TPMT: variants seen among roughly 807,000 people sequenced by gnomAD.
TPMT encodes thiopurine S-methyltransferase.
TPMT carries 18 observed loss-of-function variants against 34.2 expected under a neutral mutation model. The ratio of observed to expected loss-of-function variants is 0.53; its 90% CI spans 0.36 to 0.78. TPMT has a LOEUF of 0.78. TPMT is among the 30% of genes least tolerant of loss of function. The pLI is 0.00. For missense variants in TPMT, 265 were observed against 288.1 expected (o/e 0.92, Z 0.58); for synonymous variants, 69 against 92.4 (o/e 0.75, Z 1.45).
chr6:18,148,073 G>C lies in TPMT; in HGVS notation c.141-158C>G, dbSNP rs1004719347. 3.3e-5 allele frequency among the ~76,000 whole-genome samples: 5 copies of C among 152,142 alleles called. No individual in the cohort carries two copies. Among genetic ancestry groups the C allele is most frequent in the African/African-American group, 9.7e-5 (4 of 41,428 alleles). ...TATGAAGAAACAGGTAACTTGCTCA[G>C]ACACACACCCAGTCAGTGGTAAATC... is the stretch of plus-strand genomic sequence containing the variant. On this transcript the variant is annotated intron_variant, in intron 2 of 8. Transcript: ENST00000309983. The surrounding 1 kb of genome is among the most constrained non-coding windows in gnomAD (Gnocchi z 4.1).
chr6:18,139,181 G>T lies in TPMT; in HGVS notation c.420-144C>A. 1.0e-5 allele frequency: 8 copies of T among 774,810 alleles called. No individual in the cohort carries two copies. The highest frequency in any genetic ancestry group is 2.2e-6 in the Non-Finnish European group (1 of 446,332). The allele number at this position is 774,810 out of a possible 1,614,324, so 48.0% of individuals were successfully genotyped here. A position where few individuals can be genotyped will look rare whatever the true frequency, so the allele number is the denominator to read the frequency against. On this transcript the variant is annotated intron_variant, in intron 5 of 8. Coordinates refer to ENST00000309983, the MANE Select transcript of TPMT (RefSeq NM_000367.5). The surrounding 1 kb of genome is among the most constrained non-coding windows in gnomAD (Gnocchi z 4.2). ...TCTGCGTTTCCTCCTAGAGGAATGT[G>T]TGGACCTGGGTGTGGAGAGCTGTCC...
At chr6:18,133,337 T>C (rs987871797) in intron 7 of TPMT, among the ~76,000 whole-genome samples, 2 of 152,144 alleles carry the variant, frequency 1.3e-5, no homozygotes, top group African/African-American at 4.8e-5. Context: ...TTATAAAACT[T>C]CAGAAATTAA....
In TPMT at chr6:18,139,057, C is replaced by G; in HGVS notation, c.420-20G>C. ...TTTGTCCTACCAGAAAGAGAAAAAA[C>G]ATTTTATGGGAGAAAAATCAAATCT... On this transcript the variant is annotated intron_variant, in intron 5 of 8. Coordinates refer to ENST00000309983, the MANE Select transcript of TPMT (RefSeq NM_000367.5). This position sits in a 1 kb window ranked among gnomAD's most constrained non-coding sequence, Gnocchi z 4.2. 1 of 1,604,994 alleles carries G rather than the reference C, an allele frequency of 6.2e-7. No individual in the cohort carries two copies. The highest frequency in any genetic ancestry group is 1.1e-5 in the South Asian group (1 of 90,914).
In TPMT at chr6:18,154,633, C is replaced by A. The variant is rs188821703; in HGVS notation, c.-45+400G>T. Among the ~76,000 whole-genome samples the A allele has an allele frequency of 5.3e-5, 8 of 152,100 alleles. No individual in the cohort carries two copies. The highest frequency in any genetic ancestry group is 1.9e-4 in the African/African-American group (8 of 41,486). ...AAAAAAATTTGAAAAATTAGCCAAG[C>A]GTGGTGCAGCGAGCCTGTAGTCCCA... On this transcript the variant is annotated intron_variant, in intron 1 of 8. Transcript: ENST00000309983. This position sits in a 1 kb window ranked among gnomAD's most constrained non-coding sequence, Gnocchi z 4.2.
At chr6:18,134,026 G>A (rs1471158865) in intron 6 of TPMT, 137 bp from the exon 7 acceptor site, 11 of 704,992 alleles carry the variant, frequency 1.6e-5, no homozygotes, top group Non-Finnish European at 2.2e-5. Context: ...ATCACAAGAG[G>A]TTGATTCTCA....
Position 18,132,177 on chromosome 6 carries a change from C to G in TPMT, c.581G>C (p.Gly194Ala). 6.2e-7 allele frequency: 1 copy of G among 1,614,022 alleles called. No individual in the cohort carries two copies. The highest frequency in any genetic ancestry group is 8.5e-7 in the Non-Finnish European group (1 of 1,179,914). ...VLSYDPTKHP[G>A]PPFYVPHAEI... ...AGCATGTGGAACATAAAATGGTGGA[C>G]CTAGGTAAAAGAGAAATAAATTCTG... Residue 194 changes from glycine to alanine, a missense_variant and splice_region_variant, in exon 8 of 9, where the codon GGT becomes GCT. Coordinates refer to ENST00000309983, the MANE Select transcript of TPMT (RefSeq NM_000367.5). This position sits in a 1 kb window ranked among gnomAD's most constrained non-coding sequence, Gnocchi z 4.8.
Position 18,149,437 on chromosome 6 carries a change from T to G in TPMT, c.-44-266A>C, listed in dbSNP as rs3930695. 0.29 allele frequency among the ~76,000 whole-genome samples: 43,219 copies of G among 151,298 alleles called. 6,270 individuals carry two copies. Among genetic ancestry groups the G allele is most frequent in the Non-Finnish European group, 0.3 (20,020 of 67,810 alleles). ...TCCCAAGTAGCTGGGACTGCAGGTG[T>G]GCACCATCATGCCCAGCTAATCTTT... On this transcript the variant is annotated intron_variant, in intron 1 of 8. Coordinates refer to ENST00000309983, the MANE Select transcript of TPMT (RefSeq NM_000367.5). The surrounding 1 kb of genome is among the most constrained non-coding windows in gnomAD (Gnocchi z 5.0).
At chr6:18,151,924 G>A (rs1426303073) in intron 1 of TPMT, among the ~76,000 whole-genome samples, 1 of 152,220 alleles carries the variant, frequency 6.6e-6, no homozygotes, top group South Asian at 2.1e-4. Flanking sequence ...TAATCCTCAC[G>A]TTTCCTGTAT....
At chr6:18,144,895 A>G (rs1014694149) in intron 3 of TPMT, among the ~76,000 whole-genome samples, 3 of 149,964 alleles carry the variant, frequency 2.0e-5, no homozygotes, top group Non-Finnish European at 4.4e-5. Context: ...TAATTTTTGT[A>G]TTTTTAGTAG....
At position 18,147,886 on chromosome 6, in the gene TPMT, AG is replaced by A. The variant is rs1449331712; in HGVS notation, c.169del (p.Gly59AlafsTer5). 1.9e-6 allele frequency: 3 copies of A among 1,613,866 alleles called. No individual in the cohort carries two copies. In the African/African-American group the frequency reaches 4.0e-5, roughly 22 times the overall value. On this transcript the variant is annotated frameshift_variant, in exon 3 of 9. Transcript: ENST00000309983. LOFTEE classifies it high-confidence loss of function. ...QLLKKHLDTFLKGKSGLRVFF... is the reference protein window; with the variant it reads ...QLLKKHLDTFXKGKSGLRVFF... ...TACCCTCAGTCCACTCTTGCCTTTA[AG>A]GAAAGTATCTAAATGCTTCTTTAAT...
In TPMT at chr6:18,153,750, A is replaced by G. The variant is rs1394378800; in HGVS notation, c.-45+1283T>C. On this transcript the variant is annotated intron_variant, in intron 1 of 8. Transcript: ENST00000309983. The surrounding 1 kb of genome is among the most constrained non-coding windows in gnomAD (Gnocchi z 4.2). ...AGCAAAAGAATGTTGCAGTTTTCTC[A>G]TTTTCATTCAGAAACTCTGGAACCT... 2.0e-5 allele frequency among the ~76,000 whole-genome samples: 3 copies of G among 152,172 alleles called. No homozygotes were observed. Among genetic ancestry groups the G allele is most frequent in the African/African-American group, 7.2e-5 (3 of 41,432 alleles).
chr6:18,141,451 T>G (rs561823594), intron 4 of TPMT, among the ~76,000 whole-genome samples: 1 of 151,920 alleles, frequency 6.6e-6, no homozygotes, highest in Non-Finnish European at 1.5e-5. Context: ...GCGATTCTCC[T>G]GCCTCAGCCT....
chr6:18,135,477 A>G lies in TPMT; in HGVS notation c.495-1588T>C, dbSNP rs576560183. 6.6e-6 allele frequency among the ~76,000 whole-genome samples: 1 copy of G among 152,368 alleles called. No individual in the cohort carries two copies. The highest frequency in any genetic ancestry group is 2.1e-4 in the South Asian group (1 of 4,830). ...TGTACAATCTAAGGAGAAGACACCC[A>G]GTCCTAACGAAAGCACCAATATAAT... On this transcript the variant is annotated intron_variant, in intron 6 of 8. Transcript: ENST00000309983. The surrounding 1 kb of genome is among the most constrained non-coding windows in gnomAD (Gnocchi z 5.0).
intron 6 of TPMT, among the ~76,000 whole-genome samples, chr6:18,134,608 T>A (rs150811064): frequency 6.6e-6 from 1 of 152,298 alleles, no homozygotes; most frequent in East Asian, 1.9e-4. Context: ...ATCAATAGAC[T>A]GAGCAGAAGC....
intron 6 of TPMT, among the ~76,000 whole-genome samples, chr6:18,137,481 C>T (rs1429408267): frequency 6.6e-6 from 1 of 152,116 alleles, no homozygotes; most frequent in Non-Finnish European, 1.5e-5. Flanking sequence ...CTAAGTAATT[C>T]AATATTTCCA....
intron 4 of TPMT, among the ~76,000 whole-genome samples, chr6:18,142,018 C>A (rs182600259): frequency 3.7e-4 from 56 of 152,194 alleles, no homozygotes; most frequent in African/African-American, 1.3e-3. Context: ...GGTGGGGCGA[C>A]CAGCCTTCCC....
At chr6:18,142,283 A>G (rs1784157792) in intron 4 of TPMT, among the ~76,000 whole-genome samples, 1 of 151,976 alleles carries the variant, frequency 6.6e-6, no homozygotes, top group South Asian at 2.1e-4. Context: ...GCACAAGACG[A>G]CGAACCTGGG....
chr6:18,134,008 T>G (rs899829670), intron 6 of TPMT, 119 bp from the exon 7 acceptor site: 8 of 757,238 alleles, frequency 1.1e-5, no homozygotes, highest in Admixed American at 2.4e-5. Context: ...GTTTAAATTC[T>G]CCTAATAATC....
intron 6 of TPMT, among the ~76,000 whole-genome samples, chr6:18,137,184 C>T (rs1582039792): frequency 6.6e-6 from 1 of 151,992 alleles, no homozygotes; most frequent in East Asian, 1.9e-4. Context: ...GTTGCCCAGG[C>T]TGGAGTGCCG....
Sources: gnomAD v4.1 joint callset for allele counts (sites outside exome capture counted in the v4.1 genomes callset) on GRCh38, gnomAD v4.1.1 for gene constraint, Gnocchi (gnomAD v3.1) non-coding constraint, MANE v1.5 for transcripts, NCBI Gene and HGNC (gene_info 2026-07-23, HGNC 2026-07-21) for gene names.